The following PRKCB variants were observed in gnomAD, a reference collection of about 807,000 sequenced individuals.
PRKCB encodes protein kinase C beta, also known as protein kinase C beta type.
In PRKCB, 13 loss-of-function variants were observed where a neutral mutation model predicts 81.5. The ratio of observed to expected loss-of-function variants is 0.16; its 90% CI spans 0.10 to 0.25. PRKCB has a LOEUF of 0.25. PRKCB is among the 10% of genes least tolerant of loss of function. The pLI, the probability that PRKCB is intolerant of heterozygous loss-of-function variation, is 1.00. For synonymous variants in PRKCB, 335 were observed against 321.4 expected, an observed-to-expected ratio of 1.04 and a Z score of -0.45; for missense variants, 509 against 875.7, an observed-to-expected ratio of 0.58 and a Z score of 5.29.
intron 2 of PRKCB, among the ~76,000 whole-genome samples, chr16:23,950,070 C>A (rs1410829630): frequency 6.6e-6 from 1 of 152,078 alleles, no homozygotes; most frequent in East Asian, 1.9e-4. Flanking sequence ...GCGGATGTGG[C>A]CTCCCCAGTG....
At position 24,219,961 on chromosome 16, in the gene PRKCB, A is replaced by G; in HGVS notation, c.*5145A>G. On this transcript the variant is annotated 3_prime_UTR_variant, in exon 17 of 17. Coordinates refer to ENST00000643927, the MANE Select transcript of PRKCB (RefSeq NM_002738.7). ...AATGTGTTTACTTTCCATTTGGCAG[A>G]GAGACAAGAGAGACACCTCCAACTT... The G allele has an allele frequency of 6.2e-7, 1 of 1,613,922 alleles. No individual in the cohort carries two copies. The highest frequency in any genetic ancestry group is 1.1e-5 in the South Asian group (1 of 91,054).
At chr16:24,121,552 T>A (rs538723457) in intron 8 of PRKCB, among the ~76,000 whole-genome samples, 1 of 151,050 alleles carries the variant, frequency 6.6e-6, no homozygotes, top group Admixed American at 6.6e-5. Context: ...CTAATTAAAC[T>A]TTTTTTTTGA....
chr16:24,135,862 C>T (rs1027001076), intron 9 of PRKCB, among the ~76,000 whole-genome samples: 11 of 152,162 alleles, frequency 7.2e-5, no homozygotes, highest in Admixed American at 6.5e-4. Flanking sequence ...GTACTTCAGC[C>T]TGCTTTGCTA....
intron 2 of PRKCB, among the ~76,000 whole-genome samples, chr16:23,860,869 G>C (rs758408181): frequency 6.6e-6 from 1 of 152,126 alleles, no homozygotes; most frequent in Non-Finnish European, 1.5e-5. Context: ...TCGCGCTACT[G>C]TACTCTAGCC....
chr16:24,110,510 C>CTTTTT (rs1211090636), intron 7 of PRKCB, among the ~76,000 whole-genome samples: 1,993 of 111,070 alleles, frequency 0.018, 231 homozygotes, highest in African/African-American at 0.084. Context: ...CATGCCCAAC[C>CTTTTT]TTTTTTTTTT....
At chr16:23,981,729 T>C (rs1596496689) in intron 2 of PRKCB, among the ~76,000 whole-genome samples, 1 of 59,220 alleles carries the variant, frequency 1.7e-5, no homozygotes, top group African/African-American at 7.1e-5. Context: ...TCCCCTTCCC[T>C]TCCCCTTCCC....
At chr16:24,021,121 C>CTTTCTTTCTTTT (rs1965379562) in intron 3 of PRKCB, among the ~76,000 whole-genome samples, 3 of 136,360 alleles carry the variant, frequency 2.2e-5, no homozygotes, top group Non-Finnish European at 3.1e-5. Flanking sequence ...CTCTCTCTTT[C>CTTTCTTTCTTTT]TTTCTTTCCT....
chr16:23,873,189 CAAAAAA>C (rs1044352544), intron 2 of PRKCB, among the ~76,000 whole-genome samples: 4 of 67,914 alleles, frequency 5.9e-5, no homozygotes, highest in African/African-American at 2.1e-4. Context: ...CACACACACA[CAAAAAA>C]AAAAAAAAAA....
chr16:23,863,220 A>G (rs7193976), intron 2 of PRKCB, among the ~76,000 whole-genome samples: 7,830 of 54,104 alleles, frequency 0.14, 877 homozygotes, highest in African/African-American at 0.32. Flanking sequence ...ATATACATAC[A>G]TATATATGTG....
intron 7 of PRKCB, among the ~76,000 whole-genome samples, chr16:24,109,041 C>A (rs1244318867): frequency 1.4e-5 from 2 of 145,358 alleles, no homozygotes; most frequent in African/African-American, 5.2e-5. Flanking sequence ...CTGACCCCCC[C>A]ACCTCTCTCC....
At chr16:23,837,336 C>T (rs1434584199) in intron 1 of PRKCB, 39 bp from the exon 2 acceptor site, 4 of 1,612,932 alleles carry the variant, frequency 2.5e-6, no homozygotes, top group East Asian at 2.2e-5. Flanking sequence ...GGCTGGGCCC[C>T]CCGGGCTGCC....
chr16:24,059,460 C>A (rs1401669815), intron 5 of PRKCB, among the ~76,000 whole-genome samples: 1 of 151,872 alleles, frequency 6.6e-6, no homozygotes, highest in East Asian at 1.9e-4. Context: ...GAGTTCAAGA[C>A]CATCCTGGAT....
intron 9 of PRKCB, among the ~76,000 whole-genome samples, chr16:24,138,208 C>T (rs1966871625): frequency 6.6e-6 from 1 of 152,202 alleles, no homozygotes; most frequent in Non-Finnish European, 1.5e-5. Flanking sequence ...CCATAGTCCC[C>T]TTGCATCCAG....
intron 9 of PRKCB, among the ~76,000 whole-genome samples, chr16:24,132,553 C>T (rs1966854843): frequency 6.6e-6 from 1 of 152,126 alleles, no homozygotes; most frequent in East Asian, 1.9e-4. Context: ...GATGATAACA[C>T]CTAACATTTT....
At chr16:24,132,634 A>G (rs1161282229) in intron 9 of PRKCB, among the ~76,000 whole-genome samples, 6 of 152,186 alleles carry the variant, frequency 3.9e-5, no homozygotes, top group Admixed American at 3.9e-4. Flanking sequence ...CACTTACTCT[A>G]TGATGCAGCT....
chr16:23,913,540 A>C (rs1963693373), intron 2 of PRKCB, among the ~76,000 whole-genome samples: 1 of 152,176 alleles, frequency 6.6e-6, no homozygotes, highest in South Asian at 2.1e-4. Context: ...AGAAGTGGGA[A>C]AGCCAAGCTA....
intron 12 of PRKCB, chr16:24,174,883 C>G (rs1967504179): frequency 3.5e-6 from 1 of 287,888 alleles, no homozygotes; most frequent in Admixed American, 5.0e-5. Context: ...CTTTCTCTTG[C>G]TTGTGGACCC....
intron 2 of PRKCB, among the ~76,000 whole-genome samples, chr16:23,901,083 T>C (rs1474042377): frequency 6.6e-6 from 1 of 152,184 alleles, no homozygotes; most frequent in Non-Finnish European, 1.5e-5. Context: ...AACAGCTCTC[T>C]CTAATCTACA....
intron 10 of PRKCB, among the ~76,000 whole-genome samples, chr16:24,162,330 G>C (rs928794606): frequency 2.6e-5 from 4 of 152,046 alleles, no homozygotes; most frequent in Non-Finnish European, 5.9e-5. Flanking sequence ...CATTGCTGCA[G>C]GTGGCTCTGG....
Sources: gnomAD v4.1 joint callset for allele counts (sites outside exome capture counted in the v4.1 genomes callset) on GRCh38, gnomAD v4.1.1 for gene constraint, MANE v1.5 for transcripts, NCBI Gene and HGNC (gene_info 2026-07-23, HGNC 2026-07-21) for gene names.